Variants in PPP1R16B observed in about 807,000 individuals in gnomAD.
PPP1R16B encodes protein phosphatase 1 regulatory subunit 16B, also known as protein phosphatase 1 regulatory inhibitor subunit 16B.
Under a neutral mutation model 61.7 loss-of-function variants are expected in PPP1R16B, and 14 were observed. That is an observed-to-expected ratio of 0.23 (90% CI 0.15 to 0.35). The LOEUF is 0.35. Ranked by LOEUF, PPP1R16B falls within the 10% of genes least tolerant of loss-of-function variation. The probability of loss-of-function intolerance (pLI) is 1.00; values close to 1 mark genes in which losing one functional copy is unlikely to be tolerated. For missense variants in PPP1R16B, 547 were observed against 752.5 expected (o/e 0.73, Z 3.19); for synonymous variants, 266 against 305.3 (o/e 0.87, Z 1.34).
chr20:38,879,457 T>C (rs1318315716), intron 2 of PPP1R16B, among the ~76,000 whole-genome samples: 4 of 152,178 alleles, frequency 2.6e-5, no homozygotes, highest in African/African-American at 7.2e-5. Flanking sequence ...CCAACCTCCA[T>C]GTGTCAGAAA....
intron 2 of PPP1R16B, among the ~76,000 whole-genome samples, chr20:38,882,739 T>C (rs1486839550): frequency 6.6e-6 from 1 of 152,032 alleles, no homozygotes; most frequent in Non-Finnish European, 1.5e-5. Flanking sequence ...AGAGAATAGA[T>C]GGGGAAGCTC....
At chr20:38,893,607 C>T (rs2085308341) in intron 3 of PPP1R16B, among the ~76,000 whole-genome samples, 1 of 151,966 alleles carries the variant, frequency 6.6e-6, no homozygotes, top group Non-Finnish European at 1.5e-5. Context: ...CGGGAGGAGG[C>T]GGCTGACTGC....
chr20:38,877,366 A>G (rs1358262646), intron 2 of PPP1R16B, among the ~76,000 whole-genome samples: 1 of 151,480 alleles, frequency 6.6e-6, no homozygotes, highest in African/African-American at 2.4e-5. Flanking sequence ...CTGGAGTGCA[A>G]TGGTGCGACC....
chr20:38,895,796 T>C lies in PPP1R16B; in HGVS notation c.467+86T>C, dbSNP rs1369119175. On this transcript the variant is annotated intron_variant, in intron 4 of 10. Transcript: ENST00000299824. ...CTTCTTTCTCTCCTCCCTCCCTCCTTCCTTCTTTCTCTCCTCCCTTCCTCC... is the reference window on the plus strand; with the variant it reads ...CTTCTTTCTCTCCTCCCTCCCTCCTCCCTTCTTTCTCTCCTCCCTTCCTCC... 8.8e-4 allele frequency: 1,174 copies of C among 1,331,288 alleles called. 26 individuals are homozygous for C. In the African/African-American group the frequency reaches 0.014, roughly 16 times the overall value. The allele number at this position is 1,331,288 out of a possible 1,614,324, so 82.5% of individuals were successfully genotyped here. A position where few individuals can be genotyped will look rare whatever the true frequency, so the allele number is the denominator to read the frequency against.
chr20:38,872,549 C>G (rs78453872), intron 2 of PPP1R16B, among the ~76,000 whole-genome samples: 3,897 of 152,216 alleles, frequency 0.026, 173 homozygotes, highest in African/African-American at 0.089. Context: ...TTGTTAGACA[C>G]CCCCCTCCTG....
At chr20:38,834,449 G>A (rs1222720197) in intron 1 of PPP1R16B, among the ~76,000 whole-genome samples, 2 of 152,158 alleles carry the variant, frequency 1.3e-5, no homozygotes, top group East Asian at 1.9e-4. Flanking sequence ...CATAGAGTCC[G>A]TGCTGAAGAC....
chr20:38,835,776 T>C (rs993412751), intron 1 of PPP1R16B, 49 bp from the exon 2 acceptor site: 10 of 948,164 alleles, frequency 1.1e-5, no homozygotes, highest in African/African-American at 3.3e-5. Context: ...CAGATCTGAG[T>C]TGTGGAGTCT....
At chr20:38,859,898 C>T (rs1180316326) in intron 2 of PPP1R16B, among the ~76,000 whole-genome samples, 1 of 152,136 alleles carries the variant, frequency 6.6e-6, no homozygotes, top group East Asian at 1.9e-4. Context: ...TCCAAAATGT[C>T]ATTTCAGCAT....
intron 1 of PPP1R16B, among the ~76,000 whole-genome samples, chr20:38,821,914 G>T (rs2145709821): frequency 6.6e-6 from 1 of 150,456 alleles, no homozygotes; most frequent in Middle Eastern, 3.5e-3. Flanking sequence ...AATTTGCCTA[G>T]TAATTTTGGA....
chr20:38,856,905 C>G (rs1287531427), intron 2 of PPP1R16B, among the ~76,000 whole-genome samples: 1 of 152,216 alleles, frequency 6.6e-6, no homozygotes, highest in Non-Finnish European at 1.5e-5. Flanking sequence ...AAGCTCACCC[C>G]TACCCATTCA....
chr20:38,812,870 C>T lies in PPP1R16B; in HGVS notation c.-102+7078C>T, dbSNP rs551106983. Among the ~76,000 whole-genome samples, 37 of 152,200 alleles carry T rather than the reference C, an allele frequency of 2.4e-4. No individual in the cohort carries two copies. In the South Asian group the frequency reaches 6.8e-3, roughly 28 times the overall value. The stretch of plus-strand genomic sequence containing the variant: ...TTGGATAGGGAGAAGGGATCTAGGG[C>T]GTATCCACAAACTTGCATATGGATC... On this transcript the variant is annotated intron_variant, in intron 1 of 10. Transcript: ENST00000299824.
chr20:38,855,939 T>TAGAG (rs1225817106), intron 2 of PPP1R16B, among the ~76,000 whole-genome samples: 17 of 31,206 alleles, frequency 5.4e-4, no homozygotes, highest in African/African-American at 7.8e-4. Context: ...TATATATATA[T>TAGAG]ATATAGAGAG....
intron 2 of PPP1R16B, among the ~76,000 whole-genome samples, chr20:38,863,609 T>C (rs996615315): frequency 1.7e-4 from 26 of 152,196 alleles, no homozygotes; most frequent in African/African-American, 5.5e-4. Context: ...GCTTTGCCTA[T>C]CTGCACCCCA....
chr20:38,918,114 A>C lies in PPP1R16B; in HGVS notation c.1195-43A>C, dbSNP rs749240182. On this transcript the variant is annotated intron_variant, in intron 10 of 10. Transcript: ENST00000299824. The surrounding 1 kb of genome is among the most constrained non-coding windows in gnomAD (Gnocchi z 5.3). ...AGAGAGACAGGTGGATAGTAGGTTC[A>C]GATCTTCCAGCCAGCTGGTAATGTT... 8 of 1,603,026 alleles carry C rather than the reference A, an allele frequency of 5.0e-6. No homozygotes were observed. The highest frequency in any genetic ancestry group is 6.8e-6 in the Non-Finnish European group (8 of 1,172,568).
Position 38,920,938 on chromosome 20 carries a change from T to C in PPP1R16B, c.*2272T>C, listed in dbSNP as rs1258240788. 6.6e-6 allele frequency: 1 copy of C among 152,262 alleles called. No homozygotes were observed. Among genetic ancestry groups the C allele is most frequent in the East Asian group, 1.9e-4 (1 of 5,196 alleles). The allele number at this position is 152,262 out of a possible 1,614,324, so 9.4% of individuals were successfully genotyped here. ...CAACCTTAGCTACAAGGTAGGGAGT[T>C]CTGAGGGAAGCCGCGTGCTCCTCAG... On this transcript the variant is annotated 3_prime_UTR_variant, in exon 11 of 11. Coordinates refer to ENST00000299824, the MANE Select transcript of PPP1R16B (RefSeq NM_015568.4).
intron 2 of PPP1R16B, among the ~76,000 whole-genome samples, chr20:38,870,896 A>G (rs2085124431): frequency 6.6e-6 from 1 of 151,936 alleles, no homozygotes; most frequent in East Asian, 1.9e-4. Flanking sequence ...ACGGAGACTT[A>G]TCAGGAAGCA....
chr20:38,903,571 GTCCGTCCGTCCA>G (rs1248197607), intron 6 of PPP1R16B, among the ~76,000 whole-genome samples: 42 of 115,098 alleles, frequency 3.6e-4, no homozygotes, highest in African/African-American at 1.1e-3. Context: ...CCATCCGTCC[GTCCGTCCGTCCA>G]TCCATCCATC....
In PPP1R16B at chr20:38,905,844, A is replaced by G. The variant is rs940851054; in HGVS notation, c.697-125A>G. On this transcript the variant is annotated intron_variant, in intron 6 of 10. Coordinates refer to ENST00000299824, the MANE Select transcript of PPP1R16B (RefSeq NM_015568.4). ...CCTCTGCAATGTGACTGGTATTTCC[A>G]TTTCATTCTATTCCATTCTACTGGC... 1.1e-5 allele frequency: 11 copies of G among 988,972 alleles called. No homozygotes were observed. In the African/African-American group the frequency reaches 1.5e-4, roughly 13 times the overall value. 61.3% of individuals were successfully genotyped at this position (988,972 alleles called of 1,614,324 possible).
At chr20:38,913,273 A>T (rs1211577389) in intron 10 of PPP1R16B, among the ~76,000 whole-genome samples, 4 of 149,642 alleles carry the variant, frequency 2.7e-5, no homozygotes, top group Admixed American at 2.7e-4. Context: ...GTTTTTTTTT[A>T]ATTTTTTTTA....
Sources: gnomAD v4.1 joint callset for allele counts (sites outside exome capture counted in the v4.1 genomes callset) on GRCh38, gnomAD v4.1.1 for gene constraint, Gnocchi (gnomAD v3.1) non-coding constraint, MANE v1.5 for transcripts, NCBI Gene and HGNC (gene_info 2026-07-23, HGNC 2026-07-21) for gene names.